The following SEMA3E variants were observed in gnomAD, a reference collection of about 807,000 sequenced individuals.
The protein encoded by SEMA3E is semaphorin 3E.
SEMA3E carries 49 observed loss-of-function variants against 93.6 expected under a neutral mutation model. The observed-to-expected ratio is 0.52, with a 90% confidence interval of 0.42 to 0.66. The LOEUF (loss-of-function observed/expected upper bound fraction) is 0.66. Among genes scored for constraint, SEMA3E ranks in the 30% least tolerant of loss-of-function variants. The pLI, the probability that SEMA3E is intolerant of heterozygous loss-of-function variation, is 0.00. For synonymous variants in SEMA3E, 363 were observed against 330.7 expected, an observed-to-expected ratio of 1.10 and a Z score of -1.06; for missense variants, 906 against 964.8, an observed-to-expected ratio of 0.94 and a Z score of 0.81.
At chr7:83,617,996 CAAAT>C (rs1162523522) in intron 1 of SEMA3E, among the ~76,000 whole-genome samples, 2 of 151,982 alleles carry the variant, frequency 1.3e-5, no homozygotes, top group Non-Finnish European at 2.9e-5. Flanking sequence ...AGGAAGATAA[CAAAT>C]AAGACATAGC....
intron 16 of SEMA3E, chr7:83,372,160 G>T (rs1218695779): frequency 5.0e-6 from 2 of 396,302 alleles, no homozygotes; most frequent in African/African-American, 4.1e-5. Context: ...ATATCCAAAA[G>T]ATATTAAAAA....
chr7:83,435,109 A>G (rs1049349978), intron 4 of SEMA3E, among the ~76,000 whole-genome samples: 1 of 152,184 alleles, frequency 6.6e-6, no homozygotes, highest in Non-Finnish European at 1.5e-5. Context: ...GTGTCCATTT[A>G]ACAAACTAAA....
chr7:83,560,091 A>G (rs1791996134), intron 1 of SEMA3E, among the ~76,000 whole-genome samples: 1 of 152,036 alleles, frequency 6.6e-6, no homozygotes. Flanking sequence ...AAATGGACAA[A>G]AGAGGACGTT....
intron 7 of SEMA3E, among the ~76,000 whole-genome samples, chr7:83,406,533 A>AAT (rs1398889215): frequency 1.3e-5 from 2 of 151,502 alleles, no homozygotes; most frequent in Non-Finnish European, 2.9e-5. Context: ...CCACACACAC[A>AAT]ATATATATAT....
At chr7:83,605,068 T>C (rs906297564) in intron 1 of SEMA3E, among the ~76,000 whole-genome samples, 5 of 152,156 alleles carry the variant, frequency 3.3e-5, no homozygotes, top group African/African-American at 1.2e-4. Context: ...TCTTTGCTCT[T>C]GTAAATACTG....
At chr7:83,638,865 A>T (rs1793933229) in intron 1 of SEMA3E, among the ~76,000 whole-genome samples, 1 of 151,866 alleles carries the variant, frequency 6.6e-6, no homozygotes, top group Admixed American at 6.6e-5. Flanking sequence ...TAATCCCAGC[A>T]CTTTGGGAGG....
intron 9 of SEMA3E, among the ~76,000 whole-genome samples, chr7:83,404,738 G>A (rs186366070): frequency 1.3e-5 from 2 of 151,928 alleles, no homozygotes; most frequent in East Asian, 3.9e-4. Context: ...AATGATGAAC[G>A]TGTTCACTAT....
rs1562761096 is a variant in SEMA3E at position 83,394,332 on chromosome 7, C to A, written c.1465G>T (p.Val489Phe). 3 of 1,612,878 alleles carry A rather than the reference C, an allele frequency of 1.9e-6. No homozygotes were observed. Among genetic ancestry groups the A allele is most frequent in the African/African-American group, 1.3e-5 (1 of 74,936 alleles). The change falls in exon 13 of 17, where the codon GTT becomes TTT. Residue 489 changes from valine (V) to phenylalanine (F), a missense_variant. Transcript: ENST00000643230. ...LEELQIFKDPVPIISMEISSK... is the reference protein window; with the variant it reads ...LEELQIFKDPFPIISMEISSK... ...GAAATCTCCATAGAAATAATAGGAA[C>A]TGGATCCTGAAATTTTAAAAAAGTT...
chr7:83,639,686 C>T (rs139454755), intron 1 of SEMA3E, among the ~76,000 whole-genome samples: 73 of 148,852 alleles, frequency 4.9e-4, no homozygotes, highest in East Asian at 3.1e-3. Context: ...CAAAACCATA[C>T]GAGATAGGAA....
intron 1 of SEMA3E, among the ~76,000 whole-genome samples, chr7:83,602,518 G>A (rs556339115): frequency 2.7e-5 from 4 of 149,634 alleles, no homozygotes; most frequent in South Asian, 2.1e-4. Context: ...TTCCTCTGTC[G>A]CCAGGCTGGA....
At position 83,425,426 on chromosome 7, in the gene SEMA3E, A is replaced by G. The variant is rs75321637; in HGVS notation, c.457-6943T>C. 3.8e-3 allele frequency among the ~76,000 whole-genome samples: 573 copies of G among 152,114 alleles called. 6 individuals carry two copies. Among genetic ancestry groups the G allele is most frequent in the African/African-American group, 0.011 (451 of 41,500 alleles). On this transcript the variant is annotated intron_variant, in intron 4 of 16. Transcript: ENST00000643230. ...TACTTATTTTGCTTCTTTACCACTTATCACCTTGATTTTAACACCAGCCTC... is the reference window on the plus strand; with the variant it reads ...TACTTATTTTGCTTCTTTACCACTTGTCACCTTGATTTTAACACCAGCCTC...
chr7:83,645,592 A>C (rs1335419288), intron 1 of SEMA3E, among the ~76,000 whole-genome samples: 2 of 152,038 alleles, frequency 1.3e-5, no homozygotes, highest in Non-Finnish European at 2.9e-5. Context: ...TTTTCTTAAT[A>C]TTAGTGTGCA....
At chr7:83,598,329 G>C (rs1792918103) in intron 1 of SEMA3E, among the ~76,000 whole-genome samples, 1 of 152,142 alleles carries the variant, frequency 6.6e-6, no homozygotes, top group African/African-American at 2.4e-5. Flanking sequence ...AAATGTAATT[G>C]TTTTAGAGAT....
intron 1 of SEMA3E, among the ~76,000 whole-genome samples, chr7:83,611,600 T>C (rs1156275486): frequency 2.6e-5 from 4 of 151,532 alleles, no homozygotes; most frequent in African/African-American, 4.8e-5. Context: ...ACACTTGGAA[T>C]CATCCTTGGT....
intron 1 of SEMA3E, among the ~76,000 whole-genome samples, chr7:83,567,133 A>G (rs924528424): frequency 1.3e-5 from 2 of 152,206 alleles, no homozygotes; most frequent in Non-Finnish European, 2.9e-5. Context: ...GATAAAGCAG[A>G]CTTTACGTCA....
chr7:83,639,944 A>G (rs1012503734), intron 1 of SEMA3E, among the ~76,000 whole-genome samples: 30 of 152,022 alleles, frequency 2.0e-4, no homozygotes, highest in African/African-American at 7.2e-4. Flanking sequence ...AGTTCATAAT[A>G]AACTTTGTGA....
intron 4 of SEMA3E, among the ~76,000 whole-genome samples, chr7:83,462,649 A>C (rs1019207862): frequency 5.3e-5 from 8 of 151,796 alleles, no homozygotes; most frequent in Non-Finnish European, 1.2e-4. Flanking sequence ...CTCAACGCCA[A>C]TATCCCATCC....
intron 4 of SEMA3E, among the ~76,000 whole-genome samples, chr7:83,449,696 GA>G (rs1789313695): frequency 6.6e-6 from 1 of 152,152 alleles, no homozygotes; most frequent in African/African-American, 2.4e-5. Context: ...ATCATAATCA[GA>G]AAACGTTGGT....
chr7:83,448,503 C>A (rs1486714445), intron 4 of SEMA3E, among the ~76,000 whole-genome samples: 2 of 151,948 alleles, frequency 1.3e-5, no homozygotes, highest in Non-Finnish European at 2.9e-5. Context: ...CAGAGTGAGA[C>A]CCTATTCTAA....
Sources: gnomAD v4.1 joint callset for allele counts (sites outside exome capture counted in the v4.1 genomes callset) on GRCh38, gnomAD v4.1.1 for gene constraint, MANE v1.5 for transcripts, NCBI Gene and HGNC (gene_info 2026-07-23, HGNC 2026-07-21) for gene names.